The following GNLY variants were observed in gnomAD, a reference collection of about 807,000 sequenced individuals.
The protein encoded by GNLY is granulysin.
GNLY carries 15 observed loss-of-function variants against 18.5 expected under a neutral mutation model. That is an observed-to-expected ratio of 0.81 (90% CI 0.54 to 1.25). GNLY has a LOEUF of 1.25. Among genes scored for constraint, GNLY ranks in the 50% most tolerant of loss-of-function variants. The pLI is 0.00. For missense variants in GNLY, 178 were observed against 186.9 expected, an observed-to-expected ratio of 0.95 and a Z score of 0.28; for synonymous variants, 77 against 74.9, an observed-to-expected ratio of 1.03 and a Z score of -0.14.
At chr2:85,698,536 C>T (rs1181023750) in intron 4 of GNLY, 28 bp from the exon 5 acceptor site, 14 of 1,613,224 alleles carry the variant, frequency 8.7e-6, no homozygotes, top group Non-Finnish European at 1.2e-5. Flanking sequence ...CCACATCTGC[C>T]CACAGCTGGC....
At chr2:85,697,256 CA>C (rs2104447406) in intron 3 of GNLY, 1 of 484,216 alleles carries the variant, frequency 2.1e-6, no homozygotes, top group South Asian at 2.5e-5. Flanking sequence ...GACAGGTGCA[CA>C]AGGCGCTGAG....
At position 85,695,420 on chromosome 2, in the gene GNLY, C is replaced by T. The variant is rs1460113243; in HGVS notation, c.153C>T (p.Pro51=). Reference sequence around the variant, plus strand: ...GCCCGTGCCTGGCCCAGGAGGGCCCCCAGGTACGTGTTGGCTCTCTGCTCA... The same window carrying T: ...GCCCGTGCCTGGCCCAGGAGGGCCCTCAGGTACGTGTTGGCTCTCTGCTCA... ...KSCPCLAQEG[P]QGDLLTKTQE... is the part of the protein sequence containing the mutation. The change falls in exon 2 of 5, where the codon CCC becomes CCT. Residue 51 remains proline (P), a synonymous_variant. Coordinates refer to ENST00000263863, the MANE Select transcript of GNLY (RefSeq NM_006433.5). 1.3e-6 allele frequency: 2 copies of T among 1,587,610 alleles called. No individual in the cohort carries two copies. The highest frequency in any genetic ancestry group is 1.7e-6 in the Non-Finnish European group (2 of 1,156,032).
In GNLY at chr2:85,696,030, A is replaced by C; in HGVS notation, c.229A>C (p.Lys77Gln). The C allele has an allele frequency of 6.2e-7, 1 of 1,608,626 alleles. No homozygotes were observed. Among genetic ancestry groups the C allele is most frequent in the Non-Finnish European group, 8.5e-7 (1 of 1,175,380 alleles). Residue 77 changes from lysine to glutamine, a missense_variant, in exon 3 of 5, where the codon AAG (lysine) becomes CAG (glutamine). Coordinates refer to ENST00000263863, the MANE Select transcript of GNLY (RefSeq NM_006433.5). Reference sequence around the variant, plus strand: ...CTGTCTGACGATAGTCCAAAAACTGAAGAAGATGGTGGATAAGCCCACCCA... The same window carrying C: ...CTGTCTGACGATAGTCCAAAAACTGCAGAAGATGGTGGATAAGCCCACCCA... ...RTCLTIVQKL[K>Q]KMVDKPTQRS...
intron 1 of GNLY, 171 bp downstream of exon 1, chr2:85,694,641 G>T: frequency 9.3e-7 from 1 of 1,080,546 alleles, no homozygotes; most frequent in Admixed American, 2.7e-5. Context: ...TTAGTCCAGT[G>T]TGCTGCCCAG....
At chr2:85,696,843 A>C (rs1678470309) in intron 3 of GNLY, 1 of 152,622 alleles carries the variant, frequency 6.6e-6, no homozygotes, top group African/African-American at 2.4e-5. Flanking sequence ...TGGCTGCTGA[A>C]GCTTTTTAAA....
Position 85,698,716 on chromosome 2 carries a change from C to T in GNLY, c.*142C>T, listed in dbSNP as rs747844116. ...CTCCCCTGACTCCCTCTGCTGTCCT[C>T]CCCTCTCACGAGAATAAAGTGTCAA... is the stretch of plus-strand genomic sequence containing the variant. On this transcript the variant is annotated 3_prime_UTR_variant, in exon 5 of 5. Coordinates refer to ENST00000263863, the MANE Select transcript of GNLY (RefSeq NM_006433.5). 8 of 1,575,972 alleles carry T rather than the reference C, an allele frequency of 5.1e-6. No homozygotes were observed. The South Asian group carries it at 9.1e-5, about 18-fold the overall frequency.
chr2:85,698,354 C>T (rs1210626581), intron 4 of GNLY: 1 of 780,284 alleles, frequency 1.3e-6, no homozygotes, highest in East Asian at 2.6e-5. Context: ...ATCGGGGGTC[C>T]CCACCATTTC....
chr2:85,697,927 C>T (rs572721061), intron 4 of GNLY, among the ~76,000 whole-genome samples: 2 of 151,942 alleles, frequency 1.3e-5, no homozygotes, highest in East Asian at 3.9e-4. Flanking sequence ...AATAACTTGA[C>T]CTCTCTGAGC....
chr2:85,698,387 T>TTC, intron 4 of GNLY, 177 bp from the exon 5 acceptor site: 1 of 973,216 alleles, frequency 1.0e-6, no homozygotes, highest in Non-Finnish European at 1.6e-6. Context: ...CTTGTGGCTT[T>TTC]TCTATTCAAG....
chr2:85,694,906 T>A (rs1305262643), intron 1 of GNLY: 1 of 1,558,802 alleles, frequency 6.4e-7, no homozygotes, highest in African/African-American at 1.4e-5. Context: ...TGCACCCTGC[T>A]CTCTCCCAGG....
At chr2:85,695,611 CT>C (rs150108044) in intron 2 of GNLY, among the ~76,000 whole-genome samples, 188 bp downstream of exon 2, 1,773 of 152,316 alleles carry the variant, frequency 0.012, 26 homozygotes, top group African/African-American at 0.04. Flanking sequence ...TGGCAGACTC[CT>C]CCAGGAGGAT....
In GNLY at chr2:85,696,059, G is replaced by A; in HGVS notation, c.255+3G>A. On this transcript the variant is annotated splice_donor_region_variant and intron_variant, in intron 3 of 4. Coordinates refer to ENST00000263863, the MANE Select transcript of GNLY (RefSeq NM_006433.5). ...AGATGGTGGATAAGCCCACCCAGGT[G>A]AGGCCAAGGGGCTACAGAGCCTCCT... 1 of 1,525,096 alleles carries A rather than the reference G, an allele frequency of 6.6e-7. No individual in the cohort carries two copies. The highest frequency in any genetic ancestry group is 9.1e-7 in the Non-Finnish European group (1 of 1,100,564). The allele number at this position is 1,525,096 out of a possible 1,614,324, so 94.5% of individuals were successfully genotyped here. A position where few individuals can be genotyped will look rare whatever the true frequency, so the allele number is the denominator to read the frequency against.
intron 1 of GNLY, chr2:85,695,001 A>AC: frequency 6.3e-7 from 1 of 1,591,146 alleles, no homozygotes; most frequent in African/African-American, 1.3e-5. Context: ...TGGAAGGTAA[A>AC]AAAAGAAAAT....
intron 4 of GNLY, 126 bp downstream of exon 4, chr2:85,697,803 T>G (rs1678520733): frequency 1.5e-5 from 10 of 669,068 alleles, no homozygotes; most frequent in Non-Finnish European, 2.6e-5. Context: ...ATTGAGCAGA[T>G]GGACTTTAGC....
rs1678571774 is a variant in GNLY at position 85,698,836 on chromosome 2, G to A, written c.*262G>A. 12 of 1,426,698 alleles carry A rather than the reference G, an allele frequency of 8.4e-6. 1 individual carries two copies. In the South Asian group the frequency reaches 1.4e-4, roughly 17 times the overall value. 88.4% of individuals were successfully genotyped at this position (1,426,698 alleles called of 1,614,324 possible). On this transcript the variant is annotated 3_prime_UTR_variant, in exon 5 of 5. Coordinates refer to ENST00000263863, the MANE Select transcript of GNLY (RefSeq NM_006433.5). The stretch of plus-strand genomic sequence containing the variant: ...TGAGCTGTGTAGTCCTTCAATAAAT[G>A]TCTGTCGTGTGTCCCATACACTGTT...
intron 2 of GNLY, 61 bp from the exon 3 acceptor site, chr2:85,695,897 G>T: frequency 1.1e-6 from 1 of 917,666 alleles, no homozygotes. Flanking sequence ...CCTTTCCTGG[G>T]CACTTTCACG....
intron 2 of GNLY, 46 bp from the exon 3 acceptor site, chr2:85,695,912 C>T (rs1255083633): frequency 1.7e-6 from 2 of 1,149,294 alleles, no homozygotes; most frequent in African/African-American, 1.5e-5. Context: ...TTCACGCGCT[C>T]CCAGAGTGTC....
At position 85,698,765 on chromosome 2, in the gene GNLY, T is replaced by G. The variant is rs143774293; in HGVS notation, c.*191T>G. On this transcript the variant is annotated 3_prime_UTR_variant, in exon 5 of 5. Transcript: ENST00000263863. ...AAGCAAGATTTTAGCCGCAGCTGCT[T>G]CTTCTTTGGTGGATTTGAGGGGTGG... 817 of 1,515,976 alleles carry G rather than the reference T, an allele frequency of 5.4e-4. 4 individuals carry two copies. The African/African-American group carries it at 8.4e-3, about 16-fold the overall frequency. The allele number at this position is 1,515,976 out of a possible 1,614,324, so 93.9% of individuals were successfully genotyped here. A position where few individuals can be genotyped will look rare whatever the true frequency, so the allele number is the denominator to read the frequency against.
At position 85,697,494 on chromosome 2, in the gene GNLY, C is replaced by G. The variant is rs1286162956; in HGVS notation, c.256-12C>G. ...CCCTATAACCATGTCCACTGTGGTG[C>G]TGCTGCTGCAGAGAAGTGTTTCCAA... is the stretch of plus-strand genomic sequence containing the variant. On this transcript the variant is annotated splice_polypyrimidine_tract_variant and intron_variant, in intron 3 of 4. Transcript: ENST00000263863. 10 of 1,609,212 alleles carry G rather than the reference C, an allele frequency of 6.2e-6. No homozygotes were observed. The highest frequency in any genetic ancestry group is 5.9e-6 in the Non-Finnish European group (7 of 1,177,284).
Sources: allele counts gnomAD v4.1 joint callset (sites outside exome capture counted in the v4.1 genomes callset), GRCh38; gene constraint gnomAD v4.1.1; transcripts MANE v1.5; gene names NCBI Gene and HGNC (gene_info 2026-07-23, HGNC 2026-07-21).